Variants in COL28A1 observed in about 807,000 individuals in gnomAD.
COL28A1 encodes collagen type XXVIII alpha 1 chain.
A neutral mutation model predicts 150.2 loss-of-function variants in COL28A1; 161 were observed. That is an observed-to-expected ratio of 1.07 (90% CI 0.94 to 1.22). COL28A1 has a LOEUF of 1.22. Ranked by LOEUF, COL28A1 falls within the 50% of genes most tolerant of loss-of-function variation. COL28A1 has a pLI of 0.00. For missense variants in COL28A1, 1,617 were observed against 1,388.3 expected (o/e 1.16, Z -2.62); for synonymous variants, 552 against 469.7 (o/e 1.18, Z -2.26).
rs200694260 is a variant in COL28A1 at position 7,429,036 on chromosome 7, CAT to C, written c.1998+3435_1998+3436del. On this transcript the variant is annotated intron_variant, in intron 25 of 34. Transcript: ENST00000399429. Reference sequence around the variant, plus strand: ...TAATGTCTGTGTCATATGCTAAACACATGTGACCTTAACTAAACAGCACCAAA... The same window carrying C: ...TAATGTCTGTGTCATATGCTAAACACGTGACCTTAACTAAACAGCACCAAA... Among the ~76,000 whole-genome samples, 1,155 of 152,316 alleles carry C rather than the reference CAT, an allele frequency of 7.6e-3. 4 individuals carry two copies. Among genetic ancestry groups the C allele is most frequent in the South Asian group, 0.024 (118 of 4,820 alleles).
intron 8 of COL28A1, chr7:7,511,734 G>A (rs1187685717): frequency 4.2e-6 from 2 of 470,804 alleles, no homozygotes; most frequent in African/African-American, 4.0e-5. Flanking sequence ...AGTGGGAACA[G>A]GTGCCATGAT....
In COL28A1 at chr7:7,443,164, T is replaced by C. The variant is rs544095925; in HGVS notation, c.1650+421A>G. Among the ~76,000 whole-genome samples, 3 of 152,336 alleles carry C rather than the reference T, an allele frequency of 2.0e-5. No individual in the cohort carries two copies. The East Asian group carries it at 5.8e-4, about 29-fold the overall frequency. The stretch of plus-strand genomic sequence containing the variant: ...ATATAAAAATGTTATTCAACTAGCA[T>C]TTCTACAGTGGTTAAAATAGATTTA... On this transcript the variant is annotated intron_variant, in intron 20 of 34. Transcript: ENST00000399429.
intron 13 of COL28A1, among the ~76,000 whole-genome samples, chr7:7,483,547 A>C (rs1246428143): frequency 6.6e-6 from 1 of 152,208 alleles, no homozygotes; most frequent in East Asian, 1.9e-4. Context: ...AGACATTAGC[A>C]TCAAGGAAAC....
At chr7:7,428,877 T>G (rs541840534) in intron 25 of COL28A1, among the ~76,000 whole-genome samples, 1 of 152,216 alleles carries the variant, frequency 6.6e-6, no homozygotes, top group African/African-American at 2.4e-5. Flanking sequence ...TTCAAGGTAA[T>G]TGTATCCAGA....
At chr7:7,511,474 C>T (rs1337972938) in intron 8 of COL28A1, among the ~76,000 whole-genome samples, 2 of 152,260 alleles carry the variant, frequency 1.3e-5, no homozygotes, top group East Asian at 1.9e-4. Context: ...ATCCACATAA[C>T]GGTCCAGGGA....
intron 13 of COL28A1, among the ~76,000 whole-genome samples, chr7:7,482,001 T>A (rs1779351428): frequency 6.6e-6 from 1 of 152,128 alleles, no homozygotes; most frequent in Non-Finnish European, 1.5e-5. Context: ...AGCACAAAAC[T>A]AGTGGTAATC....
the COL28A1 span, among the ~76,000 whole-genome samples, chr7:7,542,707 G>C: frequency 1.3e-5 from 2 of 152,174 alleles, no homozygotes; most frequent in African/African-American, 2.4e-5. Context: ...ATTTTAAGCA[G>C]GGTTGTGACA....
At chr7:7,478,439 G>C (rs547788169) in intron 13 of COL28A1, among the ~76,000 whole-genome samples, 10 of 152,254 alleles carry the variant, frequency 6.6e-5, no homozygotes, top group Non-Finnish European at 1.5e-4. Context: ...CGGACATAAA[G>C]GTTCTCCAAG....
At chr7:7,542,135 G>A in the COL28A1 span, among the ~76,000 whole-genome samples, 5 of 152,188 alleles carry the variant, frequency 3.3e-5, no homozygotes, top group East Asian at 7.7e-4. Flanking sequence ...AGATCACAAG[G>A]TCAGGAGATC....
intron 31 of COL28A1, among the ~76,000 whole-genome samples, chr7:7,374,803 T>C (rs1781457106): frequency 6.6e-6 from 1 of 152,194 alleles, no homozygotes; most frequent in Non-Finnish European, 1.5e-5. Context: ...AATAAGCTGG[T>C]TCTGGGATTC....
intron 18 of COL28A1, among the ~76,000 whole-genome samples, chr7:7,451,698 T>C (rs1786704615): frequency 6.6e-6 from 1 of 152,184 alleles, no homozygotes; most frequent in Non-Finnish European, 1.5e-5. Context: ...AGGCATATAT[T>C]ACACATATGT....
upstream of COL28A1, among the ~76,000 whole-genome samples, chr7:7,539,521 G>A (rs926639350): frequency 6.6e-6 from 1 of 152,148 alleles, no homozygotes; most frequent in Admixed American, 6.6e-5. Context: ...ATTTCAACAC[G>A]AGGTTTGGAG....
intron 1 of COL28A1, among the ~76,000 whole-genome samples, chr7:7,534,073 A>G (rs1782514222): frequency 6.6e-6 from 1 of 152,164 alleles, no homozygotes; most frequent in African/African-American, 2.4e-5. Context: ...TTTTTCATAC[A>G]TGCCAGATGG....
intron 3 of COL28A1, among the ~76,000 whole-genome samples, chr7:7,530,340 G>A (rs1050530692): frequency 1.3e-5 from 2 of 152,152 alleles, no homozygotes; most frequent in African/African-American, 4.8e-5. Flanking sequence ...ATCTTATGCT[G>A]AAAGCAACAG....
intron 32 of COL28A1, among the ~76,000 whole-genome samples, chr7:7,372,162 G>A (rs1188625965): frequency 1.3e-5 from 2 of 152,060 alleles, no homozygotes; most frequent in Non-Finnish European, 2.9e-5. Context: ...CACTTTGGGA[G>A]GCCGAGGCGG....
rs1242758336 is a variant in COL28A1, at chr7:7,453,476, T to C, written c.1404A>G (p.Pro468=). The C allele has an allele frequency of 8.0e-7, 1 of 1,257,020 alleles. No homozygotes were observed. The highest frequency in any genetic ancestry group is 2.3e-5 in the East Asian group (1 of 43,276). 77.9% of individuals were successfully genotyped at this position (1,257,020 alleles called of 1,614,324 possible). A position where few individuals can be genotyped will look rare whatever the true frequency, so the allele number is the denominator to read the frequency against. The change falls in exon 17 of 35, where the codon CCA becomes CCG. Residue 468 remains proline, a synonymous_variant. Transcript: ENST00000399429. The stretch of plus-strand genomic sequence containing the variant: ...GTAAGCCCTGTCCTGCGGGCCCTTG[T>C]GGACCAGGTGGACCAATAGGACCTT... ...GIQGPIGPPG[P]QGPAGQGLPG... is the part of the protein sequence containing the mutation.
intron 2 of COL28A1, 101 bp downstream of exon 2, chr7:7,532,651 A>G: frequency 7.0e-7 from 1 of 1,425,832 alleles, no homozygotes; most frequent in Non-Finnish European, 9.4e-7. Flanking sequence ...ACATGTATAC[A>G]TGTATATGGC....
At chr7:7,433,038 C>G (rs1422371825) in intron 23 of COL28A1, among the ~76,000 whole-genome samples, 1 of 151,750 alleles carries the variant, frequency 6.6e-6, no homozygotes, top group African/African-American at 2.4e-5. Context: ...ATAAATAAAC[C>G]CAGATGAAAA....
chr7:7,425,866 C>A, intron 25 of COL28A1, among the ~76,000 whole-genome samples: 1 of 152,086 alleles, frequency 6.6e-6, no homozygotes, highest in East Asian at 1.9e-4. Flanking sequence ...GGAGCAGTGA[C>A]AAGGAAACAA....
Sources: gnomAD v4.1 joint callset for allele counts (sites outside exome capture counted in the v4.1 genomes callset) on GRCh38, gnomAD v4.1.1 for gene constraint, MANE v1.5 for transcripts, NCBI Gene and HGNC (gene_info 2026-07-23, HGNC 2026-07-21) for gene names.